Variants in ADGRA2 observed in about 807,000 individuals in gnomAD.
ADGRA2 encodes the protein adhesion G protein-coupled receptor A2.
Under a neutral mutation model 98.7 loss-of-function variants are expected in ADGRA2, and 61 were observed. That is an observed-to-expected ratio of 0.62 (90% confidence interval 0.50 to 0.76). The LOEUF (loss-of-function observed/expected upper bound fraction) is 0.76. ADGRA2 is among the 30% of genes least tolerant of loss of function. The probability of loss-of-function intolerance (pLI) is 0.00; values close to 1 mark genes in which losing one functional copy is unlikely to be tolerated. For missense variants in ADGRA2, 1,712 were observed against 1,860.0 expected, an observed-to-expected ratio of 0.92 and a Z score of 1.46; for synonymous variants, 858 against 831.5, an observed-to-expected ratio of 1.03 and a Z score of -0.55.
At position 37,842,269 on chromosome 8, in the gene ADGRA2, T is replaced by G. The variant is rs1254146624; in HGVS notation, c.3931T>G (p.Tyr1311Asp). The G allele has an allele frequency of 6.4e-7, 1 of 1,571,634 alleles. No homozygotes were observed. The highest frequency in any genetic ancestry group is 1.9e-5 in the Admixed American group (1 of 52,972). Residue 1311 changes from tyrosine (Y) to aspartate (D), a missense_variant, in exon 19 of 19, where the codon TAC (tyrosine) becomes GAC (aspartate). By Grantham distance (160) the Tyr-to-Asp change is radical (BLOSUM62 -3). Coordinates refer to ENST00000412232, the MANE Select transcript of ADGRA2 (RefSeq NM_032777.10). ...SLNGAPKGGK[Y>D]DDVTLMGAEV... ...AAACGGCGCCCCCAAGGGGGGCAAG[T>G]ACGACGACGTCACCCTGATGGGCGC...
chr8:37,840,074 C>A, intron 16 of ADGRA2, 47 bp from the exon 17 acceptor site: 3 of 1,509,196 alleles, frequency 2.0e-6, no homozygotes, highest in Non-Finnish European at 2.7e-6. Context: ...CTGGGAGGGT[C>A]CAGTCGTAGT....
At chr8:37,837,450 C>T (rs1192532949) in intron 13 of ADGRA2, among the ~76,000 whole-genome samples, 1 of 151,448 alleles carries the variant, frequency 6.6e-6, no homozygotes, top group African/African-American at 2.4e-5. Context: ...CAGCCTGAGT[C>T]CTCACCATGG....
rs901807308 is a variant in ADGRA2 at position 37,832,858 on chromosome 8, A to C, written c.1098-152A>C. 6.6e-5 allele frequency: 44 copies of C among 664,796 alleles called. No homozygotes were observed. The African/African-American group carries it at 6.8e-4, about 10-fold the overall frequency. The allele number at this position is 664,796 out of a possible 1,614,324, so 41.2% of individuals were successfully genotyped here. On this transcript the variant is annotated intron_variant, in intron 8 of 18. Transcript: ENST00000412232. ...AGCCCGGTCAGAACAAAGAGAGTGG[A>C]ACTTGGGAACCCCTGGAAGGCTGGT... is the stretch of plus-strand genomic sequence containing the variant.
At position 37,840,135 on chromosome 8, in the gene ADGRA2, G is replaced by A; in HGVS notation, c.2526G>A (p.Leu842=). ...QMVCQAVGIT[L]HYSSLSTLLW... ...TGACCCCGCAGGTGGGCATCACCCT[G>A]CACTACTCCTCCCTATCCACGCTGC... The change falls in exon 17 of 19, where the codon CTG becomes CTA. Residue 842 remains leucine (L), a synonymous_variant. Coordinates refer to ENST00000412232, the MANE Select transcript of ADGRA2 (RefSeq NM_032777.10). The A allele has an allele frequency of 2.5e-6, 4 of 1,604,034 alleles. No individual in the cohort carries two copies. The South Asian group carries it at 4.4e-5, about 18-fold the overall frequency.
chr8:37,827,532 G>A (rs961912934), intron 2 of ADGRA2, among the ~76,000 whole-genome samples: 5 of 152,232 alleles, frequency 3.3e-5, no homozygotes, highest in Admixed American at 2.0e-4. Context: ...GGAAGGCTGC[G>A]GACTTACCTG....
At chr8:37,837,477 T>C (rs955812147) in intron 13 of ADGRA2, among the ~76,000 whole-genome samples, 1 of 152,082 alleles carries the variant, frequency 6.6e-6, no homozygotes, top group South Asian at 2.1e-4. Context: ...ACATCACTGC[T>C]CATCCAGCAC....
At chr8:37,807,179 C>A (rs561760659) in intron 1 of ADGRA2, among the ~76,000 whole-genome samples, 1 of 152,306 alleles carries the variant, frequency 6.6e-6, no homozygotes, top group African/African-American at 2.4e-5. Context: ...AAGCGTCCAG[C>A]CCAGGGAAGG....
chr8:37,812,955 C>G (rs1804880479), intron 1 of ADGRA2, among the ~76,000 whole-genome samples: 1 of 152,120 alleles, frequency 6.6e-6, no homozygotes, highest in South Asian at 2.1e-4. Context: ...TCCCAAAGTG[C>G]TAGGTTACAG....
At chr8:37,829,204 A>G (rs1805380923) in intron 3 of ADGRA2, 57 bp from the exon 4 acceptor site, 1 of 1,331,530 alleles carries the variant, frequency 7.5e-7, no homozygotes, top group African/African-American at 1.4e-5. Flanking sequence ...GTTCCTCACA[A>G]GTGGACCCAC....
chr8:37,797,467 G>A lies in ADGRA2; in HGVS notation c.199G>A (p.Val67Met), dbSNP rs1238670130. The change falls in exon 1 of 19, where the codon GTG becomes ATG. Residue 67 changes from valine to methionine, a missense_variant. By Grantham distance (21) the Val-to-Met change is conservative. Transcript: ENST00000412232. This position sits in a 1 kb window ranked among gnomAD's most constrained non-coding sequence, Gnocchi z 5.3. ...GVPGPARRRV[V>M]CSGGDLPEPP... ...CCCTGGCCCGGCTCGGCGGAGGGTG[G>A]TGTGCAGCGGCGGGGACCTCCCGGA... The A allele has an allele frequency of 3.5e-6, 5 of 1,426,910 alleles. No homozygotes were observed. The highest frequency in any genetic ancestry group is 4.6e-6 in the Non-Finnish European group (5 of 1,089,802). The allele number at this position is 1,426,910 out of a possible 1,614,324, so 88.4% of individuals were successfully genotyped here.
chr8:37,829,320 G>C lies in ADGRA2; in HGVS notation c.470G>C (p.Arg157Thr), dbSNP rs763831575. 44 of 1,613,024 alleles carry C rather than the reference G, an allele frequency of 2.7e-5. No homozygotes were observed. Among genetic ancestry groups the C allele is most frequent in the Non-Finnish European group, 1.1e-5 (13 of 1,179,438 alleles). Reference protein sequence around the residue: ...LTSETFQGLPRLLRLNISGNI... With the variant: ...LTSETFQGLPTLLRLNISGNI... Reference sequence around the variant, plus strand: ...TCCGAGACCTTCCAGGGCCTCCCCAGGCTTCTCCGACTGTAAGTGATGGGG... The same window carrying C: ...TCCGAGACCTTCCAGGGCCTCCCCACGCTTCTCCGACTGTAAGTGATGGGG... The change falls in exon 4 of 19, where the codon AGG (arginine) becomes ACG (threonine). Residue 157 changes from arginine to threonine, a missense_variant. By Grantham distance (71) the Arg-to-Thr change is moderately conservative (BLOSUM62 -1). Coordinates refer to ENST00000412232, the MANE Select transcript of ADGRA2 (RefSeq NM_032777.10).
At chr8:37,822,488 TA>T (rs960049238) in intron 2 of ADGRA2, among the ~76,000 whole-genome samples, 7 of 151,786 alleles carry the variant, frequency 4.6e-5, no homozygotes, top group African/African-American at 7.3e-5. Flanking sequence ...TTCACCCGTT[TA>T]AAAAAAAGTG....
At chr8:37,803,614 C>T (rs1804570031) in intron 1 of ADGRA2, among the ~76,000 whole-genome samples, 1 of 152,188 alleles carries the variant, frequency 6.6e-6, no homozygotes. Context: ...AACTCCAGAA[C>T]ATTCCTTTGC....
Position 37,839,493 on chromosome 8 carries a change from G to C in ADGRA2, c.2388-6G>C, listed in dbSNP as rs545704151. ...CGGCCATTAATTCGAGACTGTTTCC[G>C]GGCAGCTCCATCCGTGTGTCCCGGA... On this transcript the variant is annotated splice_polypyrimidine_tract_variant and splice_region_variant and intron_variant, in intron 15 of 18. Transcript: ENST00000412232. 3 of 1,613,882 alleles carry C rather than the reference G, an allele frequency of 1.9e-6. No homozygotes were observed. The highest frequency in any genetic ancestry group is 2.5e-6 in the Non-Finnish European group (3 of 1,179,984).
chr8:37,839,781 G>A (rs536540948), intron 16 of ADGRA2, among the ~76,000 whole-genome samples, 159 bp downstream of exon 16: 6 of 152,274 alleles, frequency 3.9e-5, no homozygotes, highest in South Asian at 2.1e-4. Context: ...ATGGTGGGTC[G>A]TGGAGAGTGA....
chr8:37,811,474 C>CTTTT (rs34759771), intron 1 of ADGRA2, among the ~76,000 whole-genome samples: 1 of 112,218 alleles, frequency 8.9e-6, no homozygotes, highest in Non-Finnish European at 1.8e-5. Context: ...ACCCAGCCAA[C>CTTTT]TTTTTTTTTT....
chr8:37,823,642 G>A (rs1049426845), intron 2 of ADGRA2, among the ~76,000 whole-genome samples: 3 of 152,208 alleles, frequency 2.0e-5, no homozygotes, highest in Non-Finnish European at 4.4e-5. Context: ...CTGTGAAACT[G>A]TTTTCCAAAG....
chr8:37,835,480 G>A, intron 12 of ADGRA2, 74 bp from the exon 13 acceptor site: 3 of 1,496,602 alleles, frequency 2.0e-6, no homozygotes, highest in Non-Finnish European at 2.8e-6. Context: ...GAGAGGAGGT[G>A]GGAGGAGGGG....
chr8:37,842,149 C>G lies in ADGRA2; in HGVS notation c.3811C>G (p.Gln1271Glu), dbSNP rs904637013. The G allele has an allele frequency of 5.3e-6, 8 of 1,516,172 alleles. No homozygotes were observed. In the African/African-American group the frequency reaches 1.0e-4, roughly 19 times the overall value. The allele number at this position is 1,516,172 out of a possible 1,614,324, so 93.9% of individuals were successfully genotyped here. The change falls in exon 19 of 19, where the codon CAG (glutamine) becomes GAG (glutamate). Residue 1271 changes from glutamine (Q) to glutamate (E), a missense_variant. Physicochemically the swap from Gln to Glu is conservative, Grantham distance 29. Transcript: ENST00000412232. ...APLSEAGRAG[Q>E]RRSASRDSLK... The stretch of plus-strand genomic sequence containing the variant: ...GCTTTCTGAGGCGGGCCGGGCAGGC[C>G]AGCGCCGCAGCGCCAGCCGCGACAG...
Sources: allele counts gnomAD v4.1 joint callset (sites outside exome capture counted in the v4.1 genomes callset), GRCh38; gene constraint gnomAD v4.1.1; non-coding constraint Gnocchi (gnomAD v3.1); transcripts MANE v1.5; gene names NCBI Gene and HGNC (gene_info 2026-07-23, HGNC 2026-07-21).